IGSF10: variants seen among roughly 807,000 people sequenced by gnomAD.
The protein encoded by IGSF10 is immunoglobulin superfamily member 10.
Under a neutral mutation model 128.2 loss-of-function variants are expected in IGSF10, and 126 were observed. The ratio of observed to expected loss-of-function variants is 0.98; its 90% CI spans 0.85 to 1.14. IGSF10 has a LOEUF of 1.14. Among genes scored for constraint, IGSF10 ranks in the 50% most tolerant of loss-of-function variants. IGSF10 has a pLI of 0.00. For synonymous variants in IGSF10, 1,185 were observed against 1,146.2 expected (o/e 1.03, Z -0.68); for missense variants, 3,295 against 3,149.8 (o/e 1.05, Z -1.10).
intron 4 of IGSF10, among the ~76,000 whole-genome samples, 178 bp from the exon 5 acceptor site, chr3:151,453,952 G>A (rs1214791394): frequency 6.6e-6 from 1 of 151,398 alleles, no homozygotes; most frequent in African/African-American, 2.4e-5. Context: ...AGAAAAATTA[G>A]AACACTCATG....
chr3:151,589,544 T>A, the IGSF10 span, among the ~76,000 whole-genome samples: 4 of 152,218 alleles, frequency 2.6e-5, no homozygotes, highest in Admixed American at 6.5e-5. Context: ...CCTTCCATAG[T>A]AAACCTCTTC....
the IGSF10 span, among the ~76,000 whole-genome samples, chr3:151,469,028 G>T: frequency 2.6e-5 from 4 of 152,134 alleles, no homozygotes; most frequent in South Asian, 8.3e-4. Context: ...GAGGATAATG[G>T]CTTCCAGCTC....
At chr3:151,471,372 A>C in the IGSF10 span, among the ~76,000 whole-genome samples, 1 of 152,094 alleles carries the variant, frequency 6.6e-6, no homozygotes. Context: ...TTTCTAAGAC[A>C]CTCCACTGGA....
At chr3:151,591,940 T>C in the IGSF10 span, among the ~76,000 whole-genome samples, 3 of 152,198 alleles carry the variant, frequency 2.0e-5, no homozygotes, top group East Asian at 3.8e-4. Context: ...GAATGATGTT[T>C]TAATAAAGAC....
At chr3:151,602,278 A>AAT in the IGSF10 span, among the ~76,000 whole-genome samples, 2 of 152,298 alleles carry the variant, frequency 1.3e-5, no homozygotes, top group South Asian at 2.1e-4. Flanking sequence ...TGCATTTAAA[A>AAT]ATATATATAT....
At chr3:151,553,632 T>C in the IGSF10 span, among the ~76,000 whole-genome samples, 83,794 of 134,718 alleles carry the variant, frequency 0.62, 23,550 homozygotes, top group East Asian at 0.73. Flanking sequence ...CTCTCTCTCT[T>C]TCTATATATA....
the IGSF10 span, among the ~76,000 whole-genome samples, chr3:151,583,870 CT>C: frequency 3.3e-5 from 5 of 152,182 alleles, no homozygotes; most frequent in East Asian, 9.7e-4. Flanking sequence ...TCAAGTCTGA[CT>C]TTTTGGCCCA....
At chr3:151,438,714 G>GT in intron 7 of IGSF10, 117 bp from the exon 8 acceptor site, 2 of 691,964 alleles carry the variant, frequency 2.9e-6, no homozygotes, top group Admixed American at 5.8e-5. Context: ...TGAAAATTGT[G>GT]TATCTTTGAG....
At chr3:151,498,218 G>T in the IGSF10 span, among the ~76,000 whole-genome samples, 2 of 152,152 alleles carry the variant, frequency 1.3e-5, no homozygotes, top group Non-Finnish European at 2.9e-5. Flanking sequence ...ATGTTGAATA[G>T]GAGTGGTGAG....
the IGSF10 span, among the ~76,000 whole-genome samples, chr3:151,556,922 G>A: frequency 2.0e-5 from 3 of 152,148 alleles, no homozygotes; most frequent in African/African-American, 4.8e-5. Context: ...ACAAATGATC[G>A]TTGTAAAGTC....
the IGSF10 span, among the ~76,000 whole-genome samples, chr3:151,599,532 C>T: frequency 2.0e-5 from 3 of 152,058 alleles, no homozygotes; most frequent in Non-Finnish European, 4.4e-5. Context: ...AAAATTACAG[C>T]CCATGGGCCA....
chr3:151,461,160 C>T, upstream of IGSF10: 1 of 985,426 alleles, frequency 1.0e-6, no homozygotes, highest in Non-Finnish European at 1.2e-6. Context: ...CCGGGCCCCT[C>T]TTTATGTTTA....
rs761098923 is a variant in IGSF10, at chr3:151,458,724, A to T, written c.-1-14T>A. 2.5e-6 allele frequency: 4 copies of T among 1,608,128 alleles called. No individual in the cohort carries two copies. Among genetic ancestry groups the T allele is most frequent in the Non-Finnish European group, 3.4e-6 (4 of 1,176,614 alleles). On this transcript the variant is annotated splice_polypyrimidine_tract_variant and intron_variant, in intron 2 of 7. Transcript: ENST00000282466. Reference sequence around the variant, plus strand: ...TTTACCTTCATCCTGAAAAAACATCATACCTCAGAGTTATAAAGAGTGGTG... The same window carrying T: ...TTTACCTTCATCCTGAAAAAACATCTTACCTCAGAGTTATAAAGAGTGGTG...
the IGSF10 span, among the ~76,000 whole-genome samples, chr3:151,516,424 G>C: frequency 6.6e-6 from 1 of 152,010 alleles, no homozygotes; most frequent in Non-Finnish European, 1.5e-5. Flanking sequence ...GTGCACTTGT[G>C]GGGTATACTT....
At chr3:151,495,707 G>C in the IGSF10 span, among the ~76,000 whole-genome samples, 1 of 152,032 alleles carries the variant, frequency 6.6e-6, no homozygotes, top group Admixed American at 6.6e-5. Context: ...TGGCCAAAAG[G>C]CATCTAGCCA....
intron 1 of IGSF10, 53 bp downstream of exon 1, chr3:151,460,893 A>G (rs537872109): frequency 1.0e-6 from 1 of 975,664 alleles, no homozygotes; most frequent in South Asian, 4.8e-5. Flanking sequence ...GCCAAGCCCC[A>G]GCCGGCGTGG....
chr3:151,593,538 G>A, the IGSF10 span, among the ~76,000 whole-genome samples: 1 of 151,698 alleles, frequency 6.6e-6, no homozygotes, highest in African/African-American at 2.4e-5. Context: ...GGGTTTTTGG[G>A]ATATTTCACC....
chr3:151,502,049 AC>A, the IGSF10 span, among the ~76,000 whole-genome samples: 1 of 151,574 alleles, frequency 6.6e-6, no homozygotes, highest in Non-Finnish European at 1.5e-5. Context: ...CTTCCTACCC[AC>A]CCCCATATAT....
chr3:151,516,620 G>A, the IGSF10 span, among the ~76,000 whole-genome samples: 5 of 151,892 alleles, frequency 3.3e-5, no homozygotes, highest in Non-Finnish European at 1.5e-5. Flanking sequence ...AACATTGCCT[G>A]GAAGTCTTCA....
Sources: allele counts gnomAD v4.1 joint callset (sites outside exome capture counted in the v4.1 genomes callset), GRCh38; gene constraint gnomAD v4.1.1; transcripts MANE v1.5; gene names NCBI Gene and HGNC (gene_info 2026-07-23, HGNC 2026-07-21).